Variants in PUM2 observed in about 807,000 individuals in gnomAD.
PUM2 encodes pumilio RNA binding family member 2, also known as pumilio homolog 2.
In PUM2, 57 loss-of-function variants were observed where a neutral mutation model predicts 124.5. The ratio of observed to expected loss-of-function variants is 0.46; its 90% CI spans 0.37 to 0.57. The LOEUF (loss-of-function observed/expected upper bound fraction) is 0.57, where lower values mean the gene tolerates loss of function less well. Ranked by LOEUF, PUM2 falls within the 20% of genes least tolerant of loss-of-function variation. The pLI is 0.00. For missense variants in PUM2, 1,065 were observed against 1,290.6 expected (o/e 0.83, Z 2.68); for synonymous variants, 460 against 446.1 (o/e 1.03, Z -0.39).
At chr2:20,343,946 A>G (rs79623787) in intron 1 of PUM2, among the ~76,000 whole-genome samples, 19 of 151,794 alleles carry the variant, frequency 1.3e-4, no homozygotes, top group South Asian at 2.1e-4. Context: ...AGTATCAGAG[A>G]AAAAAAAAGC....
chr2:20,276,045 A>T (rs1670171619), intron 13 of PUM2, among the ~76,000 whole-genome samples: 1 of 152,050 alleles, frequency 6.6e-6, no homozygotes, highest in Non-Finnish European at 1.5e-5. Context: ...TACTATAAAA[A>T]ATGGAAGAAT....
intron 9 of PUM2, among the ~76,000 whole-genome samples, chr2:20,293,870 A>T (rs1201054353): frequency 6.6e-6 from 1 of 151,640 alleles, no homozygotes; most frequent in East Asian, 1.9e-4. Context: ...TTATCAAGTT[A>T]GTTCTTTTGA....
chr2:20,338,681 T>C (rs1192669890), intron 1 of PUM2, among the ~76,000 whole-genome samples: 1 of 152,206 alleles, frequency 6.6e-6, no homozygotes, highest in African/African-American at 2.4e-5. Flanking sequence ...CATGAAATGC[T>C]ACTAGTTATG....
intron 2 of PUM2, chr2:20,326,173 A>G: frequency 8.9e-7 from 1 of 1,125,028 alleles, no homozygotes; most frequent in Non-Finnish European, 1.2e-6. Context: ...CAATTTCTTC[A>G]ATTTTTCTTA....
At chr2:20,274,377 G>C (rs1166227849) in intron 13 of PUM2, among the ~76,000 whole-genome samples, 2 of 152,100 alleles carry the variant, frequency 1.3e-5, no homozygotes, top group Admixed American at 6.5e-5. Flanking sequence ...TATCAACTTT[G>C]CAGTACTAAT....
intron 2 of PUM2, among the ~76,000 whole-genome samples, chr2:20,326,790 T>C (rs1683789641): frequency 6.6e-6 from 1 of 152,106 alleles, no homozygotes; most frequent in Non-Finnish European, 1.5e-5. Flanking sequence ...ACCAGCAATA[T>C]AATAAAAGTC....
At chr2:20,318,443 A>C in intron 3 of PUM2, 94 bp downstream of exon 3, 1 of 1,174,552 alleles carries the variant, frequency 8.5e-7, no homozygotes, top group Non-Finnish European at 1.2e-6. Flanking sequence ...AAAAAATGCA[A>C]AAATTTGGAG....
At chr2:20,275,202 G>C (rs1346436355) in intron 13 of PUM2, among the ~76,000 whole-genome samples, 1 of 151,666 alleles carries the variant, frequency 6.6e-6, no homozygotes, top group Non-Finnish European at 1.5e-5. Context: ...GGCTCCAAGG[G>C]GCCAAAGAAG....
chr2:20,345,612 G>A (rs556578264), intron 1 of PUM2, among the ~76,000 whole-genome samples: 39 of 152,146 alleles, frequency 2.6e-4, no homozygotes, highest in Non-Finnish European at 3.8e-4. Context: ...AGTGGCTCAC[G>A]CCTGTAATCC....
intron 10 of PUM2, among the ~76,000 whole-genome samples, chr2:20,285,816 AG>A (rs1394288892): frequency 6.6e-6 from 1 of 152,176 alleles, no homozygotes; most frequent in Non-Finnish European, 1.5e-5. Context: ...TTAAAAGGAG[AG>A]AAAAATCAGA....
chr2:20,343,957 A>G (rs745626650), intron 1 of PUM2, among the ~76,000 whole-genome samples: 2 of 152,152 alleles, frequency 1.3e-5, no homozygotes, highest in African/African-American at 4.8e-5. Flanking sequence ...AAAAAAAAGC[A>G]ATTTCTTAGA....
chr2:20,318,113 A>G (rs1681439868), intron 3 of PUM2, among the ~76,000 whole-genome samples: 2 of 152,198 alleles, frequency 1.3e-5, no homozygotes, highest in South Asian at 4.1e-4. Context: ...AATTGACACA[A>G]TGCTTTCCAC....
intron 2 of PUM2, among the ~76,000 whole-genome samples, chr2:20,326,769 AAAAC>A (rs1683786451): frequency 6.6e-6 from 1 of 152,232 alleles, no homozygotes; most frequent in Non-Finnish European, 1.5e-5. Flanking sequence ...AGACAAGTGT[AAAAC>A]AAACTAACCA....
chr2:20,258,766 C>T (rs1665459596), intron 15 of PUM2, among the ~76,000 whole-genome samples: 1 of 146,242 alleles, frequency 6.8e-6, no homozygotes, highest in African/African-American at 2.5e-5. Flanking sequence ...TTCCCGGGTT[C>T]ACGCCATTCT....
chr2:20,252,953 T>C (rs2148379835), intron 20 of PUM2, among the ~76,000 whole-genome samples: 1 of 152,314 alleles, frequency 6.6e-6, no homozygotes, highest in Non-Finnish European at 1.5e-5. Context: ...TACACTGTAT[T>C]AGGTATCGTT....
rs769946124 is a variant in PUM2, at chr2:20,278,834, A to G, written c.1721-15T>C. 1 of 1,594,046 alleles carries G rather than the reference A, an allele frequency of 6.3e-7. No individual in the cohort carries two copies. The stretch of plus-strand genomic sequence containing the variant: ...AGAACTGCCAACTGAAGAAGAAATA[A>G]AAAAAACCCTAATTACATACAGTGT... On this transcript the variant is annotated splice_polypyrimidine_tract_variant and intron_variant, in intron 12 of 20. Coordinates refer to ENST00000361078, the MANE Select transcript of PUM2 (RefSeq NM_015317.5).
chr2:20,307,600 G>T (rs536896280), intron 7 of PUM2, among the ~76,000 whole-genome samples: 1 of 152,220 alleles, frequency 6.6e-6, no homozygotes, highest in South Asian at 2.1e-4. Flanking sequence ...AATTCTAGCA[G>T]ATTAAAAGTC....
At chr2:20,332,092 C>G (rs1685038691) in intron 1 of PUM2, among the ~76,000 whole-genome samples, 2 of 152,152 alleles carry the variant, frequency 1.3e-5, no homozygotes, top group African/African-American at 4.8e-5. Flanking sequence ...TCCCATAGAG[C>G]AGGCCATGCA....
intron 7 of PUM2, among the ~76,000 whole-genome samples, chr2:20,307,105 A>G (rs1346537384): frequency 1.3e-5 from 2 of 152,020 alleles, no homozygotes; most frequent in Admixed American, 1.3e-4. Flanking sequence ...GATCCCAGCT[A>G]CTCAGAAGGC....
Sources: allele counts gnomAD v4.1 joint callset (sites outside exome capture counted in the v4.1 genomes callset), GRCh38; gene constraint gnomAD v4.1.1; transcripts MANE v1.5; gene names NCBI Gene and HGNC (gene_info 2026-07-23, HGNC 2026-07-21).